Variants in DPYD observed in about 807,000 individuals in gnomAD.
The protein encoded by DPYD is dihydropyrimidine dehydrogenase [NADP(+)].
Under a neutral mutation model 116.2 loss-of-function variants are expected in DPYD, and 109 were observed. That is an observed-to-expected ratio of 0.94 (90% CI 0.80 to 1.10). The LOEUF is 1.10. Among genes scored for constraint, DPYD ranks in the 50% least tolerant of loss-of-function variants. The probability of loss-of-function intolerance (pLI) is 0.00; values close to 1 mark genes in which losing one functional copy is unlikely to be tolerated. For missense variants in DPYD, 1,302 were observed against 1,254.5 expected, an observed-to-expected ratio of 1.04 and a Z score of -0.57; for synonymous variants, 440 against 432.0, an observed-to-expected ratio of 1.02 and a Z score of -0.23.
chr1:97,204,986 A>T (rs1178315637), intron 19 of DPYD, among the ~76,000 whole-genome samples: 2 of 152,066 alleles, frequency 1.3e-5, no homozygotes, highest in African/African-American at 4.8e-5. Flanking sequence ...CTTTAAAAAA[A>T]ATAATTAATA....
chr1:97,725,284 A>T (rs2101035788), intron 4 of DPYD, among the ~76,000 whole-genome samples: 1 of 151,738 alleles, frequency 6.6e-6, no homozygotes, highest in South Asian at 2.1e-4. Context: ...AAAACTATAG[A>T]AAACTGTTGA....
At chr1:97,325,584 A>T (rs1668667778) in intron 16 of DPYD, among the ~76,000 whole-genome samples, 1 of 152,030 alleles carries the variant, frequency 6.6e-6, no homozygotes, top group Non-Finnish European at 1.5e-5. Flanking sequence ...CATAAAAATG[A>T]TCCAAAACAA....
chr1:97,456,398 G>A (rs1676687680), intron 13 of DPYD, among the ~76,000 whole-genome samples: 1 of 151,936 alleles, frequency 6.6e-6, no homozygotes, highest in Admixed American at 6.6e-5. Flanking sequence ...CTCTGCTTCT[G>A]TTGGCTTATC....
chr1:97,881,213 T>C (rs915379304), intron 2 of DPYD, among the ~76,000 whole-genome samples: 1 of 152,030 alleles, frequency 6.6e-6, no homozygotes. Context: ...TAAGTTAAAA[T>C]GAGGTTATTA....
At chr1:97,720,935 T>C in intron 5 of DPYD, 1 of 1,605,396 alleles carries the variant, frequency 6.2e-7, no homozygotes, top group Non-Finnish European at 8.5e-7. Flanking sequence ...GTCTATGGGA[T>C]AAACAGAAAA....
rs867130579 is a variant in DPYD at position 97,299,694 on chromosome 1, G to A, written c.2299+5565C>T. Among the ~76,000 whole-genome samples the A allele has an allele frequency of 1.1e-4, 16 of 152,188 alleles. No homozygotes were observed. The Middle Eastern group carries it at 0.01, about 97-fold the overall frequency. On this transcript the variant is annotated intron_variant, in intron 18 of 22. Transcript: ENST00000370192. ...AACTGCTATTCTGCTGAAATGTCAA[G>A]CCAAGGCAAGGCTGTACCTCAGACT...
chr1:97,166,579 A>T (rs193082864), intron 20 of DPYD, among the ~76,000 whole-genome samples: 9 of 152,324 alleles, frequency 5.9e-5, no homozygotes, highest in Non-Finnish European at 1.2e-4. Flanking sequence ...AAACATTAAC[A>T]TGAAAAAAGT....
At chr1:97,653,401 T>TTC (rs1173968944) in intron 8 of DPYD, among the ~76,000 whole-genome samples, 1 of 151,184 alleles carries the variant, frequency 6.6e-6, no homozygotes, top group East Asian at 1.9e-4. Context: ...GACTCCCGGG[T>TTC]TCAAGCGATT....
chr1:97,281,817 A>G (rs1278320960), intron 18 of DPYD, among the ~76,000 whole-genome samples: 1 of 152,108 alleles, frequency 6.6e-6, no homozygotes, highest in East Asian at 1.9e-4. Flanking sequence ...ATGATGTATA[A>G]CAAAGTGCAA....
intron 1 of DPYD, among the ~76,000 whole-genome samples, chr1:97,889,568 A>C (rs1421766192): frequency 2.6e-5 from 4 of 152,058 alleles, no homozygotes; most frequent in African/African-American, 7.2e-5. Context: ...TACCAGGAAA[A>C]TATAACAATT....
intron 10 of DPYD, among the ~76,000 whole-genome samples, chr1:97,592,341 T>C (rs1405219625): frequency 6.6e-6 from 1 of 152,132 alleles, no homozygotes; most frequent in Non-Finnish European, 1.5e-5. Context: ...CAGTCACTGG[T>C]AAGAATGAAA....
intron 18 of DPYD, among the ~76,000 whole-genome samples, chr1:97,286,848 G>C (rs1470314118): frequency 2.0e-5 from 3 of 152,136 alleles, no homozygotes; most frequent in African/African-American, 4.8e-5. Flanking sequence ...TTTTCAACTT[G>C]TTTGCCTTTG....
intron 16 of DPYD, among the ~76,000 whole-genome samples, chr1:97,307,363 A>G (rs113758749): frequency 2.0e-3 from 297 of 151,684 alleles, no homozygotes; most frequent in African/African-American, 6.8e-3. Context: ...ATTTGTAATT[A>G]ATGTTTTTGT....
chr1:97,259,761 A>G (rs887545964), intron 18 of DPYD, among the ~76,000 whole-genome samples: 2 of 152,184 alleles, frequency 1.3e-5, no homozygotes, highest in African/African-American at 4.8e-5. Context: ...TACATACAAC[A>G]AGAATTTCAT....
At chr1:97,097,517 A>AT (rs1472032109) in intron 21 of DPYD, among the ~76,000 whole-genome samples, 3 of 152,170 alleles carry the variant, frequency 2.0e-5, no homozygotes, top group Admixed American at 6.6e-5. Flanking sequence ...TGCAAACTAC[A>AT]TTTTAGTGAT....
Position 97,382,442 on chromosome 1 carries a change from A to G in DPYD, c.1925T>C (p.Met642Thr), listed in dbSNP as rs2101564724. 6.3e-7 allele frequency: 1 copy of G among 1,593,788 alleles called. No individual in the cohort carries two copies. The highest frequency in any genetic ancestry group is 8.5e-7 in the Non-Finnish European group (1 of 1,169,826). ...CCAGTCATTTTTATTGTAACTGCACATAATGCTAGCAATCACAATCTTTAA... is the reference window on the plus strand; with the variant it reads ...CCAGTCATTTTTATTGTAACTGCACGTAATGCTAGCAATCACAATCTTTAA... ...FPDNIVIASIMCSYNKNDWTE... is the reference protein window; with the variant it reads ...FPDNIVIASITCSYNKNDWTE... Residue 642 changes from methionine (M) to threonine (T), a missense_variant, in exon 15 of 23, where the codon ATG (methionine) becomes ACG (threonine). Transcript: ENST00000370192.
At chr1:97,313,026 G>A (rs1558020223) in intron 16 of DPYD, among the ~76,000 whole-genome samples, 1 of 151,864 alleles carries the variant, frequency 6.6e-6, no homozygotes. Context: ...TTTCCGTGCT[G>A]AACACTAAGA....
chr1:97,323,385 C>T lies in DPYD; in HGVS notation c.2059-17088G>A, dbSNP rs531798467. Among the ~76,000 whole-genome samples the T allele has an allele frequency of 7.5e-5, 8 of 107,172 alleles. No homozygotes were observed. The South Asian group carries it at 8.9e-4, about 12-fold the overall frequency. The allele number at this position is 107,172 out of a possible 152,430, so 70.3% of individuals were successfully genotyped here. ...ACGTATGTATACATGTGTATATGTACACGTATGTATACATATGTGTATATG... is the reference window on the plus strand; with the variant it reads ...ACGTATGTATACATGTGTATATGTATACGTATGTATACATATGTGTATATG... On this transcript the variant is annotated intron_variant, in intron 16 of 22. Coordinates refer to ENST00000370192, the MANE Select transcript of DPYD (RefSeq NM_000110.4).
chr1:97,778,213 A>AGGGAGG (rs1666533910), intron 3 of DPYD, among the ~76,000 whole-genome samples: 1 of 126,174 alleles, frequency 7.9e-6, no homozygotes, highest in Non-Finnish European at 1.7e-5. Context: ...AGAGAGAGAG[A>AGGGAGG]GAGAGAGGGA....
Sources: gnomAD v4.1 joint callset for allele counts (sites outside exome capture counted in the v4.1 genomes callset) on GRCh38, gnomAD v4.1.1 for gene constraint, MANE v1.5 for transcripts, NCBI Gene and HGNC (gene_info 2026-07-23, HGNC 2026-07-21) for gene names.